Variants in SNTG1 observed in about 807,000 individuals in gnomAD.
SNTG1 encodes the protein syntrophin gamma 1, also known as gamma-1-syntrophin.
Under a neutral mutation model 74.7 loss-of-function variants are expected in SNTG1, and 39 were observed. That is an observed-to-expected ratio of 0.52 (90% CI 0.40 to 0.68). The LOEUF (loss-of-function observed/expected upper bound fraction) is 0.68, where lower values mean the gene tolerates loss of function less well. Among genes scored for constraint, SNTG1 ranks in the 30% least tolerant of loss-of-function variants. SNTG1 has a pLI of 0.00. For synonymous variants in SNTG1, 254 were observed against 217.1 expected, an observed-to-expected ratio of 1.17 and a Z score of -1.49; for missense variants, 685 against 609.5, an observed-to-expected ratio of 1.12 and a Z score of -1.30.
intron 2 of SNTG1, among the ~76,000 whole-genome samples, chr8:50,295,438 T>C (rs768286526): frequency 6.6e-6 from 1 of 152,200 alleles, no homozygotes; most frequent in East Asian, 1.9e-4. Flanking sequence ...TTTAAAAAGA[T>C]AGGTAAATTA....
intron 1 of SNTG1, among the ~76,000 whole-genome samples, chr8:50,133,439 T>A (rs180824288): frequency 3.9e-4 from 59 of 152,206 alleles, no homozygotes; most frequent in Admixed American, 7.9e-4. Context: ...TTTAGCTATC[T>A]GTATGTCAGC....
intron 8 of SNTG1, among the ~76,000 whole-genome samples, chr8:50,476,857 G>GAC (rs59121229): frequency 0.07 from 10,165 of 145,922 alleles, 430 homozygotes; most frequent in Admixed American, 0.14. Context: ...GACACACACA[G>GAC]ACACACACAC....
At chr8:50,706,043 C>T (rs2095442352) in intron 16 of SNTG1, among the ~76,000 whole-genome samples, 1 of 152,128 alleles carries the variant, frequency 6.6e-6, no homozygotes, top group Non-Finnish European at 1.5e-5. Context: ...ACATGTTGAA[C>T]TGATTTCTAT....
At chr8:50,152,156 T>C (rs763724713) in intron 1 of SNTG1, among the ~76,000 whole-genome samples, 31 of 152,214 alleles carry the variant, frequency 2.0e-4, no homozygotes, top group Non-Finnish European at 3.7e-4. Flanking sequence ...TTTACCATTA[T>C]GTAATGGCCT....
At chr8:50,452,159 G>GT (rs1563406513) in intron 8 of SNTG1, among the ~76,000 whole-genome samples, 1 of 152,102 alleles carries the variant, frequency 6.6e-6, no homozygotes, top group East Asian at 1.9e-4. Context: ...ACTAATCAAG[G>GT]TTTTTTAGTA....
chr8:50,501,780 C>T (rs1266895304), intron 8 of SNTG1, among the ~76,000 whole-genome samples: 5 of 151,698 alleles, frequency 3.3e-5, no homozygotes, highest in Non-Finnish European at 5.9e-5. Context: ...TTGTCAGGGC[C>T]AGAAGTCATT....
chr8:50,361,819 A>G (rs1563942270), intron 2 of SNTG1, among the ~76,000 whole-genome samples: 1 of 152,320 alleles, frequency 6.6e-6, no homozygotes, highest in East Asian at 1.9e-4. Flanking sequence ...ACAGCACATT[A>G]CTATACTAAA....
rs149562446 is a variant in SNTG1 at position 50,440,585 on chromosome 8, G to A, written c.219+1986G>A. Among the ~76,000 whole-genome samples, 421 of 152,234 alleles carry A rather than the reference G, an allele frequency of 2.8e-3. 1 individual carries two copies. Among genetic ancestry groups the A allele is most frequent in the African/African-American group, 9.8e-3 (406 of 41,538 alleles). On this transcript the variant is annotated intron_variant, in intron 5 of 18. Coordinates refer to ENST00000642720, the MANE Select transcript of SNTG1 (RefSeq NM_018967.5). ...CTAGAAGCAGAATTAGTATTTTAAT[G>A]TTGAACTATTTATTTACAGTTTTCA...
chr8:50,590,728 A>T, intron 12 of SNTG1, 151 bp from the exon 13 acceptor site: 1 of 476,168 alleles, frequency 2.1e-6, no homozygotes, highest in Non-Finnish European at 3.8e-6. Flanking sequence ...AAATCTGTTT[A>T]TATATGTTGT....
chr8:50,517,130 G>C (rs1160251297), intron 9 of SNTG1, among the ~76,000 whole-genome samples: 1 of 152,122 alleles, frequency 6.6e-6, no homozygotes, highest in Non-Finnish European at 1.5e-5. Flanking sequence ...AAGAGAGTGG[G>C]GGCTAATATT....
intron 1 of SNTG1, among the ~76,000 whole-genome samples, chr8:50,037,137 C>T (rs967987514): frequency 1.3e-5 from 2 of 152,158 alleles, no homozygotes; most frequent in African/African-American, 4.8e-5. Flanking sequence ...TGAATTTATT[C>T]TCTAAGTTTA....
chr8:50,129,911 C>T (rs1275896548), intron 1 of SNTG1, among the ~76,000 whole-genome samples: 4 of 152,020 alleles, frequency 2.6e-5, no homozygotes, highest in African/African-American at 9.7e-5. Flanking sequence ...GTACTGGATC[C>T]ACAGGCGTGA....
At chr8:50,767,538 A>G (rs1052436527) in intron 18 of SNTG1, among the ~76,000 whole-genome samples, 1 of 152,036 alleles carries the variant, frequency 6.6e-6, no homozygotes, top group East Asian at 1.9e-4. Context: ...AAGCCTAATT[A>G]AACTTCTCAG....
chr8:50,514,159 C>G (rs778902550), intron 9 of SNTG1, among the ~76,000 whole-genome samples: 1 of 152,124 alleles, frequency 6.6e-6, no homozygotes. Flanking sequence ...AATAAACCAA[C>G]TATTTGCTTA....
intron 17 of SNTG1, among the ~76,000 whole-genome samples, chr8:50,736,534 CA>C (rs1202885858): frequency 2.0e-5 from 3 of 152,078 alleles, no homozygotes; most frequent in African/African-American, 7.2e-5. Flanking sequence ...AGAAAATTAA[CA>C]AGGATATTCA....
intron 1 of SNTG1, among the ~76,000 whole-genome samples, chr8:50,047,861 T>C (rs923804657): frequency 6.6e-6 from 1 of 152,194 alleles, no homozygotes; most frequent in Non-Finnish European, 1.5e-5. Flanking sequence ...GCTAAGATGA[T>C]TTTTGAAAAT....
chr8:50,569,620 A>C (rs1290302994), intron 12 of SNTG1, among the ~76,000 whole-genome samples: 2 of 152,204 alleles, frequency 1.3e-5, no homozygotes, highest in Non-Finnish European at 2.9e-5. Flanking sequence ...ATTGAAAATC[A>C]TGATGGAATA....
At chr8:50,376,744 TATATATATATATAG>T (rs1158890543) in intron 2 of SNTG1, among the ~76,000 whole-genome samples, 15 of 112,910 alleles carry the variant, frequency 1.3e-4, no homozygotes, top group East Asian at 4.9e-4. Flanking sequence ...TATATATATA[TATATATATATATAG>T]AGAGAGAGAG....
At chr8:50,267,110 A>C (rs1009928972) in intron 2 of SNTG1, among the ~76,000 whole-genome samples, 1 of 152,194 alleles carries the variant, frequency 6.6e-6, no homozygotes, top group Non-Finnish European at 1.5e-5. Flanking sequence ...CAAATAGTAT[A>C]CAGTGTAATG....
Sources: allele counts gnomAD v4.1 joint callset (sites outside exome capture counted in the v4.1 genomes callset), GRCh38; gene constraint gnomAD v4.1.1; transcripts MANE v1.5; gene names NCBI Gene and HGNC (gene_info 2026-07-23, HGNC 2026-07-21).